The following FMN1 variants were observed in gnomAD, a reference collection of about 807,000 sequenced individuals.
FMN1 encodes the protein formin 1.
Under a neutral mutation model 132.4 loss-of-function variants are expected in FMN1, and 110 were observed. The observed-to-expected ratio is 0.83, with a 90% CI of 0.71 to 0.97. FMN1 has a LOEUF of 0.97. Among genes scored for constraint, FMN1 ranks in the 50% least tolerant of loss-of-function variants. FMN1 has a pLI of 0.00. For missense variants in FMN1, 1,792 were observed against 1,705.3 expected, an observed-to-expected ratio of 1.05 and a Z score of -0.90; for synonymous variants, 722 against 651.7, an observed-to-expected ratio of 1.11 and a Z score of -1.64.
intron 4 of FMN1, among the ~76,000 whole-genome samples, chr15:33,137,836 C>T (rs2140243161): frequency 6.6e-6 from 1 of 152,266 alleles, no homozygotes; most frequent in South Asian, 2.1e-4. Context: ...TTCAACTCAT[C>T]CCCTGTTACA....
intron 5 of FMN1, among the ~76,000 whole-genome samples, chr15:33,079,393 A>G (rs1425086840): frequency 6.6e-6 from 1 of 152,162 alleles, no homozygotes; most frequent in East Asian, 1.9e-4. Flanking sequence ...AGGCTGAGGG[A>G]GGGAGGATCA....
At chr15:33,043,491 G>A (rs143614865) in intron 6 of FMN1, among the ~76,000 whole-genome samples, 7 of 152,296 alleles carry the variant, frequency 4.6e-5, no homozygotes, top group South Asian at 2.1e-4. Flanking sequence ...ATGTGGCTGC[G>A]CAAGAATCTC....
chr15:33,057,137 A>T lies in FMN1; in HGVS notation c.2161+7820T>A, dbSNP rs565488251. 2.0e-5 allele frequency among the ~76,000 whole-genome samples: 3 copies of T among 152,342 alleles called. No individual in the cohort carries two copies. The East Asian group carries it at 5.8e-4, about 29-fold the overall frequency. The stretch of plus-strand genomic sequence containing the variant: ...GGTTGCAGTGAGCTGAGATGGCACC[A>T]CTGTACTCCAGCCTGGGTGACAGAG... On this transcript the variant is annotated intron_variant, in intron 6 of 20. Transcript: ENST00000616417.
intron 5 of FMN1, among the ~76,000 whole-genome samples, chr15:33,066,247 T>G (rs1205963287): frequency 6.6e-6 from 1 of 152,224 alleles, no homozygotes; most frequent in African/African-American, 2.4e-5. Flanking sequence ...CATCAACGTT[T>G]AAATTCACGG....
intron 3 of FMN1, among the ~76,000 whole-genome samples, chr15:33,159,956 C>T (rs567036926): frequency 7.2e-5 from 11 of 152,254 alleles, no homozygotes; most frequent in East Asian, 1.9e-4. Context: ...TCGTTGATTT[C>T]GGGTGTGGGC....
intron 5 of FMN1, chr15:33,067,498 C>G (rs764167404): frequency 6.2e-7 from 1 of 1,613,926 alleles, no homozygotes; most frequent in South Asian, 1.1e-5. Flanking sequence ...CGTCTTTTGT[C>G]CCTTTCAAAG....
chr15:33,071,948 C>A (rs573032066), intron 5 of FMN1, among the ~76,000 whole-genome samples: 1 of 152,158 alleles, frequency 6.6e-6, no homozygotes, highest in Non-Finnish European at 1.5e-5. Context: ...ACCTATTACA[C>A]AAAACCAGCA....
intron 9 of FMN1, among the ~76,000 whole-genome samples, chr15:32,959,063 A>G (rs2030193618): frequency 6.7e-6 from 1 of 150,122 alleles, no homozygotes; most frequent in East Asian, 1.9e-4. Flanking sequence ...AAAAAAAAAA[A>G]GACATTCATA....
At chr15:32,783,709 C>A (rs189279034) in intron 19 of FMN1, among the ~76,000 whole-genome samples, 3 of 123,384 alleles carry the variant, frequency 2.4e-5, no homozygotes, top group Non-Finnish European at 1.6e-5. Flanking sequence ...TGTGCCACTG[C>A]ACTCCAGCCT....
chr15:32,825,974 T>A (rs1267337177), intron 17 of FMN1, among the ~76,000 whole-genome samples: 2 of 152,230 alleles, frequency 1.3e-5, no homozygotes, highest in African/African-American at 2.4e-5. Context: ...TTGTTTAGAA[T>A]AAGTAGTTTT....
intron 9 of FMN1, among the ~76,000 whole-genome samples, chr15:32,956,008 T>C (rs2061759330): frequency 6.6e-6 from 1 of 152,168 alleles, no homozygotes; most frequent in South Asian, 2.1e-4. Flanking sequence ...TGCAATTGAC[T>C]CCCAATACTC....
chr15:33,147,430 G>A (rs1365883510), intron 4 of FMN1, among the ~76,000 whole-genome samples: 1 of 152,178 alleles, frequency 6.6e-6, no homozygotes, highest in Non-Finnish European at 1.5e-5. Flanking sequence ...TAATCATGGT[G>A]TTATTCTGCT....
intron 17 of FMN1, among the ~76,000 whole-genome samples, chr15:32,833,757 C>T (rs1428083820): frequency 6.6e-6 from 1 of 152,170 alleles, no homozygotes; most frequent in Non-Finnish European, 1.5e-5. Flanking sequence ...GATGAACCAG[C>T]TGCTTTTTTC....
chr15:33,046,972 A>G (rs2036716772), intron 6 of FMN1, among the ~76,000 whole-genome samples: 1 of 152,230 alleles, frequency 6.6e-6, no homozygotes, highest in Non-Finnish European at 1.5e-5. Context: ...AGTCTGGCAA[A>G]CTGGTCAGTA....
At chr15:33,157,444 G>A (rs1349132388) in intron 3 of FMN1, among the ~76,000 whole-genome samples, 3 of 152,042 alleles carry the variant, frequency 2.0e-5, no homozygotes, top group African/African-American at 7.2e-5. Flanking sequence ...TTTTACAGAT[G>A]AGGAAACTGA....
rs982833018 is a variant in FMN1 at position 33,144,639 on chromosome 15, A to G, written c.1867+8409T>C. Among the ~76,000 whole-genome samples the G allele has an allele frequency of 0.011, 167 of 15,104 alleles. 5 individuals are homozygous for G. In the South Asian group the frequency reaches 0.17, roughly 15 times the overall value. The allele number at this position is 15,104 out of a possible 152,430, so 9.9% of individuals were successfully genotyped here. A position where few individuals can be genotyped will look rare whatever the true frequency, so the allele number is the denominator to read the frequency against. On this transcript the variant is annotated intron_variant, in intron 4 of 20. Coordinates refer to ENST00000616417, the MANE Select transcript of FMN1 (RefSeq NM_001277313.2). ...GGCGACAGAGCTAGACTCCGTCTGA[A>G]AAAAAAAAAAAAAAAAAGAGAAATC... is the stretch of plus-strand genomic sequence containing the variant.
chr15:33,080,800 T>C (rs563623301), intron 5 of FMN1, among the ~76,000 whole-genome samples: 4 of 151,608 alleles, frequency 2.6e-5, no homozygotes, highest in East Asian at 3.9e-4. Flanking sequence ...GGCATGAGAA[T>C]AGATTGAACC....
At chr15:32,872,700 A>G (rs1361880470) in intron 16 of FMN1, among the ~76,000 whole-genome samples, 12 of 152,222 alleles carry the variant, frequency 7.9e-5, no homozygotes, top group Non-Finnish European at 1.0e-4. Context: ...GGCTACAAAG[A>G]GGCCAGTGAT....
chr15:33,054,385 C>T (rs868774113), intron 6 of FMN1, among the ~76,000 whole-genome samples: 1 of 151,864 alleles, frequency 6.6e-6, no homozygotes. Flanking sequence ...TCTAAATATT[C>T]TTATATTTAT....
Sources: allele counts gnomAD v4.1 joint callset (sites outside exome capture counted in the v4.1 genomes callset), GRCh38; gene constraint gnomAD v4.1.1; transcripts MANE v1.5; gene names NCBI Gene and HGNC (gene_info 2026-07-23, HGNC 2026-07-21).